Variants in HTR2A observed in about 807,000 individuals in gnomAD.
The protein encoded by HTR2A is 5-HT2 receptor.
A neutral mutation model predicts 31.0 loss-of-function variants in HTR2A; 14 were observed. The ratio of observed to expected loss-of-function variants is 0.45; its 90% confidence interval spans 0.30 to 0.71. HTR2A has a LOEUF of 0.71. Ranked by LOEUF, HTR2A falls within the 30% of genes least tolerant of loss-of-function variation. The pLI is 0.09. For synonymous variants in HTR2A, 209 were observed against 225.2 expected (o/e 0.93, Z 0.64); for missense variants, 442 against 573.3 (o/e 0.77, Z 2.34).
At chr13:46,892,721 G>C in intron 2 of HTR2A, 131 bp from the exon 3 acceptor site, 1 of 698,506 alleles carries the variant, frequency 1.4e-6, no homozygotes, top group Non-Finnish European at 2.4e-6. Context: ...TATATTTTTA[G>C]TATTTGAAAA....
intron 3 of HTR2A, 23 bp downstream of exon 3, chr13:46,892,367 C>T (rs1348207412): frequency 6.3e-7 from 1 of 1,598,582 alleles, no homozygotes; most frequent in Admixed American, 1.7e-5. Context: ...TCAAATGAGA[C>T]TCTGAAATAT....
chr13:46,872,479 TTATTC>T (rs1320650522), intron 3 of HTR2A, among the ~76,000 whole-genome samples: 1 of 44,098 alleles, frequency 2.3e-5, no homozygotes, highest in African/African-American at 7.2e-5. Flanking sequence ...TAGCTTCTCT[TTATTC>T]TAGAGTTGTA....
intron 3 of HTR2A, among the ~76,000 whole-genome samples, chr13:46,862,501 T>C (rs1482927399): frequency 6.6e-6 from 1 of 152,194 alleles, no homozygotes; most frequent in Non-Finnish European, 1.5e-5. Context: ...ATGTATTGTA[T>C]AATCCATTTT....
chr13:46,892,358 C>T, intron 3 of HTR2A, 32 bp downstream of exon 3: 1 of 1,594,734 alleles, frequency 6.3e-7, no homozygotes. Context: ...ACTGTCATTT[C>T]AAATGAGACT....
chr13:46,849,662 G>A (rs1950667373), intron 3 of HTR2A, among the ~76,000 whole-genome samples: 1 of 152,154 alleles, frequency 6.6e-6, no homozygotes, highest in South Asian at 2.1e-4. Context: ...ATATTACCAT[G>A]GCTGGCTTCT....
chr13:46,835,248 C>A lies in HTR2A; in HGVS notation c.1005G>T (p.Met335Ile). ...LGIVFFLFVV[M>I]WCPFFITNIM... ...TGTTTGTGATGAAGAAAGGGCACCA[C>A]ATCACCACAAACAGGAAGAAGACGA... is the stretch of plus-strand genomic sequence containing the variant. Residue 335 changes from methionine to isoleucine, a missense_variant, in exon 4 of 4, where the codon ATG (methionine) becomes ATT (isoleucine). Physicochemically the swap from Met to Ile is conservative, Grantham distance 10 (BLOSUM62 1). Coordinates refer to ENST00000542664, the MANE Select transcript of HTR2A (RefSeq NM_000621.5). 6.2e-7 allele frequency: 1 copy of A among 1,614,108 alleles called. No homozygotes were observed. Among genetic ancestry groups the A allele is most frequent in the African/African-American group, 1.3e-5 (1 of 75,026 alleles).
In HTR2A at chr13:46,832,301, C is replaced by T. The variant is rs1326960271; in HGVS notation, c.*2536G>A. 3 of 152,214 alleles carry T rather than the reference C, an allele frequency of 2.0e-5. No homozygotes were observed. The highest frequency in any genetic ancestry group is 4.4e-5 in the Non-Finnish European group (3 of 68,036). The allele number at this position is 152,214 out of a possible 1,614,324, so 9.4% of individuals were successfully genotyped here. A position where few individuals can be genotyped will look rare whatever the true frequency, so the allele number is the denominator to read the frequency against. The stretch of plus-strand genomic sequence containing the variant: ...CACATGTGTATATACTGAGTGTTTT[C>T]ATTGACTTGCTTTTCGTCCATATAA... On this transcript the variant is annotated 3_prime_UTR_variant, in exon 4 of 4. Coordinates refer to ENST00000542664, the MANE Select transcript of HTR2A (RefSeq NM_000621.5).
In HTR2A at chr13:46,833,119, A is replaced by G. The variant is rs1876305651; in HGVS notation, c.*1718T>C. On this transcript the variant is annotated 3_prime_UTR_variant, in exon 4 of 4. Coordinates refer to ENST00000542664, the MANE Select transcript of HTR2A (RefSeq NM_000621.5). ...ACTATGGTAGTTATAAACTGGCTTG[A>G]GATTGAGGTGCGTATTTCTAAATTA... The G allele has an allele frequency of 6.6e-6, 1 of 152,192 alleles. No individual in the cohort carries two copies. The highest frequency in any genetic ancestry group is 1.5e-5 in the Non-Finnish European group (1 of 68,046). The allele number at this position is 152,192 out of a possible 1,614,324, so 9.4% of individuals were successfully genotyped here. A position where few individuals can be genotyped will look rare whatever the true frequency, so the allele number is the denominator to read the frequency against.
chr13:46,885,755 C>G (rs1029798286), intron 3 of HTR2A, among the ~76,000 whole-genome samples: 3 of 152,214 alleles, frequency 2.0e-5, no homozygotes, highest in Non-Finnish European at 4.4e-5. Flanking sequence ...GCTGTCTTCA[C>G]TAACTTCATT....
chr13:46,871,822 C>T (rs1395606191), intron 3 of HTR2A, among the ~76,000 whole-genome samples: 1 of 152,122 alleles, frequency 6.6e-6, no homozygotes, highest in African/African-American at 2.4e-5. Flanking sequence ...TGTTCAGAGG[C>T]TTGCTGACAA....
Position 46,835,193 on chromosome 13 carries a change from T to TG in HTR2A, c.1059dup (p.Asn354GlnfsTer2). ...AGCAGGGCCCCAATGACATCCTCAT[T>TG]GCAGGACTCTTTGCAGATGACGGCC... On this transcript the variant is annotated frameshift_variant, in exon 4 of 4. Transcript: ENST00000542664. LOFTEE classifies it high-confidence loss of function. The TG allele has an allele frequency of 6.2e-7, 1 of 1,614,086 alleles. No individual in the cohort carries two copies. Among genetic ancestry groups the TG allele is most frequent in the Non-Finnish European group, 8.5e-7 (1 of 1,179,992 alleles).
In HTR2A at chr13:46,832,223, T is replaced by C. The variant is rs947278896; in HGVS notation, c.*2614A>G. On this transcript the variant is annotated 3_prime_UTR_variant, in exon 4 of 4. Transcript: ENST00000542664. ...TCTGCTTTGCAGCAATGGAAGGTCA[T>C]AGAAATATTAGAACATGAATTCACA... is the stretch of plus-strand genomic sequence containing the variant. 1.3e-5 allele frequency: 2 copies of C among 152,242 alleles called. No individual in the cohort carries two copies. Among genetic ancestry groups the C allele is most frequent in the African/African-American group, 4.8e-5 (2 of 41,466 alleles). The allele number at this position is 152,242 out of a possible 1,614,324, so 9.4% of individuals were successfully genotyped here.
At chr13:46,868,669 A>G (rs921021127) in intron 3 of HTR2A, among the ~76,000 whole-genome samples, 9 of 152,138 alleles carry the variant, frequency 5.9e-5, no homozygotes, top group Admixed American at 5.9e-4. Context: ...TGTATGCAGC[A>G]TTTCCATTAT....
intron 3 of HTR2A, among the ~76,000 whole-genome samples, chr13:46,872,552 G>A (rs2138228664): frequency 6.6e-6 from 1 of 152,096 alleles, no homozygotes; most frequent in East Asian, 1.9e-4. Flanking sequence ...ACTACAATTA[G>A]TTATGATTTG....
chr13:46,891,491 C>T (rs868016791), intron 3 of HTR2A, among the ~76,000 whole-genome samples: 2 of 152,190 alleles, frequency 1.3e-5, no homozygotes, highest in Non-Finnish European at 2.9e-5. Flanking sequence ...TGTGTTGGCT[C>T]TTATTATTGG....
At chr13:46,867,831 G>A (rs955185779) in intron 3 of HTR2A, among the ~76,000 whole-genome samples, 3 of 152,212 alleles carry the variant, frequency 2.0e-5, no homozygotes, top group Non-Finnish European at 4.4e-5. Flanking sequence ...ATGTCTTGCA[G>A]CAAGATAATG....
intron 3 of HTR2A, among the ~76,000 whole-genome samples, chr13:46,854,753 C>G (rs1284388848): frequency 1.3e-5 from 2 of 152,198 alleles, no homozygotes; most frequent in Non-Finnish European, 2.9e-5. Context: ...GCATTCCAAA[C>G]AGCAACAGAA....
intron 3 of HTR2A, among the ~76,000 whole-genome samples, chr13:46,848,477 A>G (rs1950659894): frequency 6.6e-6 from 1 of 152,206 alleles, no homozygotes; most frequent in Non-Finnish European, 1.5e-5. Context: ...GTGTAAGTTT[A>G]ATAGGTAAAA....
chr13:46,850,830 T>C (rs943280495), intron 3 of HTR2A, among the ~76,000 whole-genome samples: 3 of 152,226 alleles, frequency 2.0e-5, no homozygotes, highest in Admixed American at 6.5e-5. Context: ...TTACTGCAAG[T>C]CTTTAATGCA....
Sources: allele counts gnomAD v4.1 joint callset (sites outside exome capture counted in the v4.1 genomes callset), GRCh38; gene constraint gnomAD v4.1.1; transcripts MANE v1.5; gene names NCBI Gene and HGNC (gene_info 2026-07-23, HGNC 2026-07-21).